The following NFIB variants were observed in gnomAD, a reference collection of about 807,000 sequenced individuals.
The protein encoded by NFIB is nuclear factor 1 B-type.
Under a neutral mutation model 61.5 loss-of-function variants are expected in NFIB, and 11 were observed. The ratio of observed to expected loss-of-function variants is 0.18; its 90% CI spans 0.11 to 0.30. The LOEUF (loss-of-function observed/expected upper bound fraction) is 0.30, where lower values mean the gene tolerates loss of function less well. Among genes scored for constraint, NFIB ranks in the 10% least tolerant of loss-of-function variants. NFIB has a pLI of 1.00. For missense variants in NFIB, 471 were observed against 608.9 expected, an observed-to-expected ratio of 0.77 and a Z score of 2.38; for synonymous variants, 260 against 216.5, an observed-to-expected ratio of 1.20 and a Z score of -1.76.
intron 3 of NFIB, among the ~76,000 whole-genome samples, chr9:14,167,967 G>A (rs1446393910): frequency 6.6e-6 from 1 of 152,164 alleles, no homozygotes; most frequent in Non-Finnish European, 1.5e-5. Flanking sequence ...ATATTGGAGT[G>A]CTACAATTCT....
the NFIB span, among the ~76,000 whole-genome samples, chr9:14,409,429 G>A: frequency 2.6e-5 from 4 of 152,224 alleles, no homozygotes; most frequent in Non-Finnish European, 4.4e-5. Flanking sequence ...CCAGCCACAC[G>A]GCTGGATTGC....
chr9:14,210,524 G>T (rs1469793732), intron 2 of NFIB, among the ~76,000 whole-genome samples: 1 of 151,804 alleles, frequency 6.6e-6, no homozygotes, highest in Non-Finnish European at 1.5e-5. Flanking sequence ...ACGCTAAAAT[G>T]TAAGTATACA....
the NFIB span, among the ~76,000 whole-genome samples, chr9:14,431,129 C>G: frequency 1.3e-5 from 2 of 152,264 alleles, no homozygotes; most frequent in Admixed American, 1.3e-4. Context: ...TGAAAACTAA[C>G]TCAATGTTGT....
At chr9:14,414,106 C>T in the NFIB span, among the ~76,000 whole-genome samples, 2 of 152,062 alleles carry the variant, frequency 1.3e-5, no homozygotes, top group Non-Finnish European at 1.5e-5. Flanking sequence ...AGGCACATGC[C>T]ATGTCCCGTT....
At chr9:14,153,342 G>A (rs1214866457) in intron 4 of NFIB, among the ~76,000 whole-genome samples, 2 of 152,048 alleles carry the variant, frequency 1.3e-5, no homozygotes, top group African/African-American at 4.8e-5. Context: ...AGAGTGTGTG[G>A]GAACAGCAAG....
intron 2 of NFIB, among the ~76,000 whole-genome samples, chr9:14,297,944 G>A (rs189904802): frequency 1.8e-3 from 276 of 152,084 alleles, no homozygotes; most frequent in Non-Finnish European, 1.8e-3. Flanking sequence ...GGTAAAATTC[G>A]CTATTTTTGC....
At chr9:14,150,067 CCTAT>C (rs1246787072) in intron 5 of NFIB, 74 bp downstream of exon 5, 71 of 1,573,208 alleles carry the variant, frequency 4.5e-5, no homozygotes, top group Non-Finnish European at 1.4e-5. Flanking sequence ...TACCTACCTA[CCTAT>C]CTATCTGCCT....
At chr9:14,461,124 T>G in the NFIB span, among the ~76,000 whole-genome samples, 1 of 152,168 alleles carries the variant, frequency 6.6e-6, no homozygotes, top group African/African-American at 2.4e-5. Flanking sequence ...CATCCCACAC[T>G]GTTCTCTGCA....
chr9:14,517,701 C>T, the NFIB span, among the ~76,000 whole-genome samples: 4 of 152,010 alleles, frequency 2.6e-5, no homozygotes, highest in African/African-American at 9.7e-5. Context: ...TCTTTCTTTA[C>T]ATCAGTCAGC....
intron 10 of NFIB, among the ~76,000 whole-genome samples, chr9:14,098,244 T>A (rs369776563): frequency 6.6e-6 from 1 of 152,230 alleles, no homozygotes; most frequent in Non-Finnish European, 1.5e-5. Context: ...ATGTTTATTT[T>A]AGCCATCTGA....
intron 2 of NFIB, 104 bp from the exon 3 acceptor site, chr9:14,179,884 T>G: frequency 9.4e-7 from 1 of 1,064,794 alleles, no homozygotes; most frequent in Non-Finnish European, 1.4e-6. Context: ...AAAAATGAAG[T>G]TGAGTGCTTA....
chr9:14,244,766 C>T (rs1285509462), intron 2 of NFIB, among the ~76,000 whole-genome samples: 1 of 152,042 alleles, frequency 6.6e-6, no homozygotes, highest in African/African-American at 2.4e-5. Flanking sequence ...GAGCAAAATG[C>T]CTGGAACACA....
chr9:14,351,197 TG>T (rs2061107316), intron 1 of NFIB, among the ~76,000 whole-genome samples: 1 of 152,208 alleles, frequency 6.6e-6, no homozygotes, highest in African/African-American at 2.4e-5. Flanking sequence ...CCACTTTTTT[TG>T]GTTGTTGTTA....
At chr9:14,271,941 G>C (rs1320266428) in intron 2 of NFIB, among the ~76,000 whole-genome samples, 1 of 152,040 alleles carries the variant, frequency 6.6e-6, no homozygotes, top group African/African-American at 2.4e-5. Context: ...AATAACTTTA[G>C]CAAAGAAATA....
At chr9:14,246,774 C>T (rs2054977362) in intron 2 of NFIB, among the ~76,000 whole-genome samples, 1 of 152,108 alleles carries the variant, frequency 6.6e-6, no homozygotes, top group Non-Finnish European at 1.5e-5. Flanking sequence ...CACAGAAAAC[C>T]ACTAATATCA....
intron 2 of NFIB, among the ~76,000 whole-genome samples, chr9:14,195,390 A>G (rs941684426): frequency 4.6e-5 from 7 of 152,226 alleles, no homozygotes; most frequent in African/African-American, 1.2e-4. Context: ...AGAAAACTCC[A>G]TATCTAAGGA....
intron 5 of NFIB, among the ~76,000 whole-genome samples, chr9:14,149,775 G>C (rs948750557): frequency 1.3e-5 from 2 of 151,880 alleles, no homozygotes; most frequent in African/African-American, 2.4e-5. Context: ...GTAATATTTG[G>C]GTAAAAGTTA....
Position 14,120,920 on chromosome 9 carries a change from A to G in NFIB, c.1061-296T>C, listed in dbSNP as rs1360341752. Among the ~76,000 whole-genome samples, 1 of 152,196 alleles carries G rather than the reference A, an allele frequency of 6.6e-6. No individual in the cohort carries two copies. The highest frequency in any genetic ancestry group is 1.5e-5 in the Non-Finnish European group (1 of 68,036). On this transcript the variant is annotated intron_variant, in intron 7 of 10. Transcript: ENST00000380953. This position sits in a 1 kb window ranked among gnomAD's most constrained non-coding sequence, Gnocchi z 4.4. ...ATAGGTTATGTCAATACTTGATAAA[A>G]CACTTCTTTGAGCAAAGATATATCC...
intron 1 of NFIB, among the ~76,000 whole-genome samples, chr9:14,386,350 C>T (rs1474840691): frequency 6.6e-6 from 1 of 152,090 alleles, no homozygotes; most frequent in Non-Finnish European, 1.5e-5. Context: ...ATTCTGAACC[C>T]AAAAGAACAG....
Sources: gnomAD v4.1 joint callset for allele counts (sites outside exome capture counted in the v4.1 genomes callset) on GRCh38, gnomAD v4.1.1 for gene constraint, Gnocchi (gnomAD v3.1) non-coding constraint, MANE v1.5 for transcripts, NCBI Gene and HGNC (gene_info 2026-07-23, HGNC 2026-07-21) for gene names.